Variants in FCHSD1 observed in about 807,000 individuals in gnomAD.
The protein encoded by FCHSD1 is F-BAR and double SH3 domains protein 1.
A neutral mutation model predicts 101.3 loss-of-function variants in FCHSD1; 109 were observed. That is an observed-to-expected ratio of 1.08 (90% CI 0.92 to 1.26). The LOEUF (loss-of-function observed/expected upper bound fraction) is 1.26. Ranked by LOEUF, FCHSD1 falls within the 50% of genes most tolerant of loss-of-function variation. The probability of loss-of-function intolerance (pLI) is 0.00; values close to 1 mark genes in which losing one functional copy is unlikely to be tolerated. For missense variants in FCHSD1, 820 were observed against 895.8 expected (o/e 0.92, Z 1.08); for synonymous variants, 291 against 356.8 (o/e 0.82, Z 2.08).
chr5:141,647,226 C>A lies in FCHSD1; in HGVS notation c.833G>T (p.Ser278Ile). Residue 278 changes from serine (S) to isoleucine (I), a missense_variant, in exon 10 of 20, where the codon AGC becomes ATC. Ser to Ile is a moderately radical substitution (Grantham distance 142, BLOSUM62 -2). Transcript: ENST00000435817. ...HRGEQTTSQV[S>I]WEQDLKLFLQ... ...AAACAGCTTCAGGTCTTGCTCCCAG[C>A]TTACCTAGGGGTTGGGAAAAGTCAA... 6.2e-7 allele frequency: 1 copy of A among 1,604,054 alleles called. No individual in the cohort carries two copies. Among genetic ancestry groups the A allele is most frequent in the South Asian group, 1.1e-5 (1 of 89,004 alleles).
In FCHSD1 at chr5:141,645,773, T is replaced by C. The variant is rs2099907580; in HGVS notation, c.1309A>G (p.Thr437Ala). 3 of 1,611,592 alleles carry C rather than the reference T, an allele frequency of 1.9e-6. No homozygotes were observed. Among genetic ancestry groups the C allele is most frequent in the African/African-American group, 1.3e-5 (1 of 74,896 alleles). ...GTAGTGTTGGGGGAGGAGCTCACGG[T>C]TGGAGAGAGGTCCCTCTGGGACAGC... ...ARLSQRDLSP[T>A]AEDAELSDFE... Residue 437 changes from threonine to alanine, a missense_variant and splice_region_variant, in exon 13 of 20, where the codon ACC becomes GCC. Transcript: ENST00000435817.
rs751925327 is a variant in FCHSD1 at position 141,647,998 on chromosome 5, G to A, written c.675C>T (p.Tyr225=). The change falls in exon 8 of 20, where the codon TAC becomes TAT. Residue 225 remains tyrosine (Y), a synonymous_variant. Coordinates refer to ENST00000435817, the MANE Select transcript of FCHSD1 (RefSeq NM_033449.3). The part of the protein sequence containing the change: ...LVATNAHLDH[Y]YQEELPALLK... ...GCAGAGCTGGCAGTTCCTCCTGGTA[G>A]TAATGGTCGAGGTGGGCATTGGTAG... 1.9e-6 allele frequency: 3 copies of A among 1,613,338 alleles called. No individual in the cohort carries two copies. Among genetic ancestry groups the A allele is most frequent in the Non-Finnish European group, 2.5e-6 (3 of 1,179,644 alleles).
Position 141,647,452 on chromosome 5 carries a change from T to G in FCHSD1, c.774A>C (p.Glu258Asp). The change falls in exon 9 of 20, where the codon GAA becomes GAC. Residue 258 changes from glutamate to aspartate, a missense_variant. Physicochemically the swap from Glu to Asp is conservative, Grantham distance 45. Coordinates refer to ENST00000435817, the MANE Select transcript of FCHSD1 (RefSeq NM_033449.3). ...CATGCTCCAGGATGACCTCTGCGGC[T>G]TCCAGCTCAGTGTGGCTCAGGGAGG... ...PLTSLSHTEL[E>D]AAEVILEHAH... 1 of 1,612,048 alleles carries G rather than the reference T, an allele frequency of 6.2e-7. No individual in the cohort carries two copies. The highest frequency in any genetic ancestry group is 8.5e-7 in the Non-Finnish European group (1 of 1,179,066).
At position 141,644,458 on chromosome 5, in the gene FCHSD1, A is replaced by T; in HGVS notation, c.1643-20T>A. 1 of 1,611,196 alleles carries T rather than the reference A, an allele frequency of 6.2e-7. No individual in the cohort carries two copies. Among genetic ancestry groups the T allele is most frequent in the Non-Finnish European group, 8.5e-7 (1 of 1,177,936 alleles). ...GGAATGCTACAGAGGCCCAGGAGAG[A>T]CGGTGAGAGGGAGGTGGGTAGCAGT... On this transcript the variant is annotated intron_variant, in intron 16 of 19. Transcript: ENST00000435817.
rs748417592 is a variant in FCHSD1 at position 141,651,009 on chromosome 5, G to A, written c.119+11C>T. 11 of 1,572,740 alleles carry A rather than the reference G, an allele frequency of 7.0e-6. No homozygotes were observed. Among genetic ancestry groups the A allele is most frequent in the African/African-American group, 2.7e-5 (2 of 73,992 alleles). On this transcript the variant is annotated intron_variant, in intron 2 of 19. Transcript: ENST00000435817. ...AAGGTGAGTGTAAATGAAGGGGGTT[G>A]GGGGAGCTACCTGATGTCCTCCAGC...
Position 141,639,663 on chromosome 5 carries a change from T to C in FCHSD1, c.*1835A>G, listed in dbSNP as rs1369951695. The C allele has an allele frequency of 1.3e-6, 2 of 1,587,572 alleles. No homozygotes were observed. The highest frequency in any genetic ancestry group is 1.4e-5 in the African/African-American group (1 of 73,558). ...CTCTGTGGGCAGGTGGGGCAGGTGC[T>C]CCAGGGAAAGGGGGGCTGAGGTAGG... is the stretch of plus-strand genomic sequence containing the variant. On this transcript the variant is annotated 3_prime_UTR_variant, in exon 20 of 20. Transcript: ENST00000435817. The surrounding 1 kb of genome is among the most constrained non-coding windows in gnomAD (Gnocchi z 4.4).
chr5:141,639,975 T>C lies in FCHSD1; in HGVS notation c.*1523A>G. On this transcript the variant is annotated 3_prime_UTR_variant, in exon 20 of 20. Transcript: ENST00000435817. This position sits in a 1 kb window ranked among gnomAD's most constrained non-coding sequence, Gnocchi z 4.4. The stretch of plus-strand genomic sequence containing the variant: ...TGGACTGCACGAACACCGTGATGGC[T>C]CCCCCACAGACAGGAGCTGGGGCTC... 1.9e-6 allele frequency: 3 copies of C among 1,613,458 alleles called. No individual in the cohort carries two copies. The highest frequency in any genetic ancestry group is 2.5e-6 in the Non-Finnish European group (3 of 1,179,882).
chr5:141,645,240 T>C (rs1196123073), intron 13 of FCHSD1, 92 bp from the exon 14 acceptor site: 4 of 1,499,618 alleles, frequency 2.7e-6, no homozygotes, highest in Non-Finnish European at 3.6e-6. Context: ...AAGGACACCA[T>C]GGATCCTCCA....
At position 141,644,351 on chromosome 5, in the gene FCHSD1, G is replaced by C; in HGVS notation, c.1730C>G (p.Pro577Arg). 6.2e-7 allele frequency: 1 copy of C among 1,613,962 alleles called. No individual in the cohort carries two copies. The highest frequency in any genetic ancestry group is 8.5e-7 in the Non-Finnish European group (1 of 1,179,874). Residue 577 changes from proline (P) to arginine (R), a missense_variant, in exon 17 of 20, where the codon CCC becomes CGC. Coordinates refer to ENST00000435817, the MANE Select transcript of FCHSD1 (RefSeq NM_033449.3). ...FPEGALIRLL[P>R]RAQDGVDDGF... ...GTCATCTACTCCATCTTGGGCCCGG[G>C]GCAGCAGACGGATGAGTGCCCCCTC...
chr5:141,645,198 G>A, intron 13 of FCHSD1, 50 bp from the exon 14 acceptor site: 1 of 1,513,054 alleles, frequency 6.6e-7, no homozygotes, highest in Non-Finnish European at 8.8e-7. Flanking sequence ...TCAAGCACTG[G>A]TTCTATCTCC....
Position 141,645,951 on chromosome 5 carries a change from A to C in FCHSD1, c.1150-19T>G. 1 of 1,554,310 alleles carries C rather than the reference A, an allele frequency of 6.4e-7. No homozygotes were observed. The highest frequency in any genetic ancestry group is 8.7e-7 in the Non-Finnish European group (1 of 1,147,964). On this transcript the variant is annotated intron_variant, in intron 12 of 19. Coordinates refer to ENST00000435817, the MANE Select transcript of FCHSD1 (RefSeq NM_033449.3). ...GGCTCACCTGCCATGGGGAGGAAGT[A>C]AGTTAGTGGAACCTGGCTGACGGCA...
chr5:141,647,664 CA>C, intron 8 of FCHSD1, 144 bp from the exon 9 acceptor site: 1 of 1,308,482 alleles, frequency 7.6e-7, no homozygotes, highest in Non-Finnish European at 1.1e-6. Flanking sequence ...CCCTCGTGTG[CA>C]GAGCACTTAG....
chr5:141,641,543 C>G lies in FCHSD1; in HGVS notation c.2028G>C (p.Pro676=), dbSNP rs189623370. Residue 676 remains proline, a synonymous_variant, in exon 20 of 20, where the codon CCG becomes CCC. Coordinates refer to ENST00000435817, the MANE Select transcript of FCHSD1 (RefSeq NM_033449.3). ...GGCCAGGATCCGGGGCTTTAGCCGG[C>G]GGGGGAGGTGGTGGACGCATCTGTA... ...RLRPMRPPPP[P]PAKAPDPGHP... is the part of the protein sequence containing the mutation. 2 of 1,520,428 alleles carry G rather than the reference C, an allele frequency of 1.3e-6. No individual in the cohort carries two copies. The highest frequency in any genetic ancestry group is 8.8e-7 in the Non-Finnish European group (1 of 1,132,682). 94.2% of individuals were successfully genotyped at this position (1,520,428 alleles called of 1,614,324 possible).
Position 141,646,185 on chromosome 5 carries a change from G to A in FCHSD1, c.1051C>T (p.Gln351Ter), listed in dbSNP as rs1397158336. Residue 351 changes from glutamine (Q) to a stop codon, truncating the protein, a stop_gained, in exon 12 of 20, where the codon CAA becomes TAA. Transcript: ENST00000435817. LOFTEE classifies it high-confidence loss of function. ...TGCTGCCGCCTCTGCTCCAGTCGTT[G>A]CAGTACCTGGTTGGGAAGGCAGAGA... is the stretch of plus-strand genomic sequence containing the variant. ...KIQNHGHRVL[Q>*]RLEQRRQQAS... 25 of 1,603,012 alleles carry A rather than the reference G, an allele frequency of 1.6e-5. No homozygotes were observed. Among genetic ancestry groups the A allele is most frequent in the Non-Finnish European group, 2.0e-5 (23 of 1,175,036 alleles).
intron 17 of FCHSD1, 92 bp downstream of exon 17, chr5:141,644,126 A>G (rs1163877103): frequency 9.0e-6 from 11 of 1,219,498 alleles, no homozygotes; most frequent in Non-Finnish European, 1.3e-5. Flanking sequence ...ACTGGGGAGC[A>G]GAGGAGGCAT....
intron 3 of FCHSD1, 101 bp downstream of exon 3, chr5:141,650,258 G>A: frequency 1.4e-6 from 2 of 1,457,622 alleles, no homozygotes; most frequent in South Asian, 1.1e-5. Flanking sequence ...TTGACTCTAG[G>A]CATCTGCTCT....
intron 3 of FCHSD1, 149 bp downstream of exon 3, chr5:141,650,210 G>A: frequency 1.9e-6 from 2 of 1,076,758 alleles, no homozygotes; most frequent in Non-Finnish European, 2.8e-6. Context: ...AAGGTCACAT[G>A]GCTATAATTA....
At chr5:141,646,280 T>C in intron 11 of FCHSD1, 89 bp from the exon 12 acceptor site, 3 of 1,197,436 alleles carry the variant, frequency 2.5e-6, no homozygotes, top group South Asian at 2.6e-5. Flanking sequence ...TTGCATCACA[T>C]ACATTATGTC....
At position 141,650,345 on chromosome 5, in the gene FCHSD1, G is replaced by A. The variant is rs766814607; in HGVS notation, c.165+14C>T. The A allele has an allele frequency of 1.2e-5, 19 of 1,613,802 alleles. No individual in the cohort carries two copies. The highest frequency in any genetic ancestry group is 1.6e-5 in the Non-Finnish European group (19 of 1,179,842). On this transcript the variant is annotated intron_variant, in intron 3 of 19. Transcript: ENST00000435817. ...GCTGGAACAAGAGGTAAGGTCCAGA[G>A]AAAAGTCCCATACCTGCCCATACTC...
Sources: allele counts gnomAD v4.1 joint callset, GRCh38; gene constraint gnomAD v4.1.1; non-coding constraint Gnocchi (gnomAD v3.1); transcripts MANE v1.5; gene names NCBI Gene and HGNC (gene_info 2026-07-23, HGNC 2026-07-21).